Variants in LTBP3 observed in about 807,000 individuals in gnomAD.
LTBP3 encodes the protein latent transforming growth factor beta binding protein 3.
In LTBP3, 97 loss-of-function variants were observed where a neutral mutation model predicts 159.7. The observed-to-expected ratio is 0.61, with a 90% CI of 0.52 to 0.72. The LOEUF is 0.72. Among genes scored for constraint, LTBP3 ranks in the 30% least tolerant of loss-of-function variants. The pLI, the probability that LTBP3 is intolerant of heterozygous loss-of-function variation, is 0.00. For missense variants in LTBP3, 1,584 were observed against 1,864.3 expected, an observed-to-expected ratio of 0.85 and a Z score of 2.77; for synonymous variants, 824 against 777.1, an observed-to-expected ratio of 1.06 and a Z score of -1.00.
At position 65,554,104 on chromosome 11, in the gene LTBP3, G is replaced by A; in HGVS notation, c.608C>T (p.Ala203Val). 6.2e-7 allele frequency: 1 copy of A among 1,609,992 alleles called. No individual in the cohort carries two copies. Among genetic ancestry groups the A allele is most frequent in the Non-Finnish European group, 8.5e-7 (1 of 1,179,556 alleles). ...DPPGPGEGPP[A>V]QHAAFLVPLG... ...GGGCACCAGGAAGGCTGCGTGCTGG[G>A]CAGGAGGCCCCTCCCCGGGCCCAGG... Residue 203 changes from alanine (A) to valine (V), a missense_variant, in exon 2 of 28, where the codon GCC (alanine) becomes GTC (valine). Transcript: ENST00000301873. This position sits in a 1 kb window ranked among gnomAD's most constrained non-coding sequence, Gnocchi z 5.3.
intron 17 of LTBP3, 85 bp downstream of exon 17, chr11:65,543,342 G>A: frequency 6.2e-7 from 1 of 1,612,026 alleles, no homozygotes; most frequent in Non-Finnish European, 8.5e-7. Flanking sequence ...CCCCAACTGA[G>A]ATCTGGATTA....
intron 18 of LTBP3, chr11:65,542,178 G>A (rs550447401): frequency 1.0e-4 from 26 of 259,418 alleles, no homozygotes; most frequent in African/African-American, 5.5e-4. Context: ...CCATGCCTAG[G>A]GAACTCCTAC....
At chr11:65,540,735 A>AGGAGAGGCGGGGCCTACAGGAG in intron 21 of LTBP3, 121 bp from the exon 22 acceptor site, 1 of 1,474,360 alleles carries the variant, frequency 6.8e-7, no homozygotes, top group Non-Finnish European at 9.3e-7. Flanking sequence ...CGGGGCCTAC[A>AGGAGAGGCGGGGCCTACAGGAG]GGGCGGGGCC....
Position 65,539,356 on chromosome 11 carries a change from C to A in LTBP3, c.3732G>T (p.Gln1244His). ...CGCAGCGGGCGCGGGAGGCGTCGAG[C>A]TGGAAGCCGCCGGGACACTCGCACA... ...GAVCECPGGF[Q>H]LDASRARCVD... The change falls in exon 27 of 28, where the codon CAG (glutamine) becomes CAT (histidine). Residue 1244 changes from glutamine to histidine, a missense_variant. Transcript: ENST00000301873. The A allele has an allele frequency of 6.5e-7, 1 of 1,534,528 alleles. No homozygotes were observed. The highest frequency in any genetic ancestry group is 1.2e-5 in the South Asian group (1 of 83,582).
Position 65,538,602 on chromosome 11 carries a change from C to T in LTBP3, c.*478G>A, listed in dbSNP as rs199643862. 4.8e-4 allele frequency: 770 copies of T among 1,596,400 alleles called. 12 individuals are homozygous for T. The East Asian group carries it at 0.017, about 35-fold the overall frequency. On this transcript the variant is annotated 3_prime_UTR_variant, in exon 28 of 28. Transcript: ENST00000301873. ...TGGCCCTTCCCGGCTGCGGAGAGCC[C>T]GCCCCACAGATGTATTTATTGTACA...
chr11:65,544,180 T>TC (rs1342254598), intron 16 of LTBP3: 2 of 162,310 alleles, frequency 1.2e-5, no homozygotes, highest in African/African-American at 4.8e-5. Context: ...TCCGTGACCT[T>TC]CCCCTCACTC....
chr11:65,546,402 G>A lies in LTBP3; in HGVS notation c.2353+40C>T, dbSNP rs1856368803. On this transcript the variant is annotated intron_variant, in intron 16 of 27. Transcript: ENST00000301873. The surrounding 1 kb of genome is among the most constrained non-coding windows in gnomAD (Gnocchi z 4.0). Reference sequence around the variant, plus strand: ...ACCCGCTCCCCGGCTTCAGCGCGTAGGGGGCGGCGGAGGCCCGGGGCGGGG... The same window carrying A: ...ACCCGCTCCCCGGCTTCAGCGCGTAAGGGGCGGCGGAGGCCCGGGGCGGGG... 1 of 1,504,658 alleles carries A rather than the reference G, an allele frequency of 6.6e-7. No individual in the cohort carries two copies. The highest frequency in any genetic ancestry group is 8.8e-7 in the Non-Finnish European group (1 of 1,132,832). 93.2% of individuals were successfully genotyped at this position (1,504,658 alleles called of 1,614,324 possible).
At chr11:65,543,030 G>C in intron 18 of LTBP3, 75 bp downstream of exon 18, 2 of 1,594,508 alleles carry the variant, frequency 1.3e-6, no homozygotes. Flanking sequence ...GATGGATGGA[G>C]AAAGGCCACA....
intron 1 of LTBP3, among the ~76,000 whole-genome samples, chr11:65,555,131 C>T (rs943814323): frequency 2.0e-5 from 3 of 152,092 alleles, no homozygotes; most frequent in Non-Finnish European, 4.4e-5. Flanking sequence ...CATGAACCTG[C>T]CTCCCCTCCT....
In LTBP3 at chr11:65,547,456, C is replaced by T. The variant is rs770146964; in HGVS notation, c.2090G>A (p.Arg697Gln). 15 of 1,613,814 alleles carry T rather than the reference C, an allele frequency of 9.3e-6. No homozygotes were observed. The highest frequency in any genetic ancestry group is 2.7e-5 in the African/African-American group (2 of 74,900). ...CCCCTCACCTTCGCACACAGGAGGC[C>T]GGGAGGCTTTGAGCCGGTAGCCGGG... ...CYPGYRLKAS[R>Q]PPVCEDIDEC... The change falls in exon 14 of 28, where the codon CGG becomes CAG. Residue 697 changes from arginine to glutamine, a missense_variant. Around this residue, in one of 6 missense-constraint regions of LTBP3, gnomAD observed 565 missense variants for 677.7 expected, o/e 0.83. Transcript: ENST00000301873. The surrounding 1 kb of genome is among the most constrained non-coding windows in gnomAD (Gnocchi z 4.6).
Position 65,541,588 on chromosome 11 carries a change from G to A in LTBP3, c.2725+12C>T. ...TTGTCCAGTCCGAGGGAGGAGCTGGGAGGACACTCACCCTCACAACCGTGC... is the reference window on the plus strand; with the variant it reads ...TTGTCCAGTCCGAGGGAGGAGCTGGAAGGACACTCACCCTCACAACCGTGC... On this transcript the variant is annotated intron_variant, in intron 19 of 27. Coordinates refer to ENST00000301873, the MANE Select transcript of LTBP3 (RefSeq NM_001130144.3). The A allele has an allele frequency of 1.2e-6, 2 of 1,614,144 alleles. No individual in the cohort carries two copies. Among genetic ancestry groups the A allele is most frequent in the Non-Finnish European group, 1.7e-6 (2 of 1,180,008 alleles).
At position 65,546,228 on chromosome 11, in the gene LTBP3, C is replaced by T; in HGVS notation, c.2353+214G>A. On this transcript the variant is annotated intron_variant, in intron 16 of 27. Transcript: ENST00000301873. This position sits in a 1 kb window ranked among gnomAD's most constrained non-coding sequence, Gnocchi z 4.0. ...CTTCAAATTTAAGTAACATGCTTTG[C>T]AAACGCAGCTTCGAGCTCTACCCCG... is the stretch of plus-strand genomic sequence containing the variant. The T allele has an allele frequency of 1.7e-6, 1 of 599,778 alleles. No homozygotes were observed. Among genetic ancestry groups the T allele is most frequent in the Non-Finnish European group, 2.8e-6 (1 of 353,352 alleles). The allele number at this position is 599,778 out of a possible 1,614,324, so 37.2% of individuals were successfully genotyped here.
rs779113795 is a variant in LTBP3 at position 65,553,886 on chromosome 11, C to G, written c.679G>C (p.Val227Leu). The change falls in exon 3 of 28, where the codon GTG becomes CTG. Residue 227 changes from valine (V) to leucine (L), a missense_variant. This residue lies in a region of LTBP3 where 194 missense variants were observed against 198.7 expected (regional missense o/e 0.98). Coordinates refer to ENST00000301873, the MANE Select transcript of LTBP3 (RefSeq NM_001130144.3). This position sits in a 1 kb window ranked among gnomAD's most constrained non-coding sequence, Gnocchi z 6.5. ...ISAEVQAPPP[V>L]VNVRVHHPPE... The stretch of plus-strand genomic sequence containing the variant: ...GGGTGATGGACGCGCACATTCACCA[C>G]GGGGGGCGGGGCCTGCACTGGGGGC... 13 of 1,512,332 alleles carry G rather than the reference C, an allele frequency of 8.6e-6. No individual in the cohort carries two copies. In the East Asian group the frequency reaches 2.0e-4, roughly 23 times the overall value. 93.7% of individuals were successfully genotyped at this position (1,512,332 alleles called of 1,614,324 possible).
rs781035535 is a variant in LTBP3, at chr11:65,539,638, G to A, written c.3548-10C>T. ...GTCGGGCAATGGGACCCTGGGAGGA[G>A]CAGAACTGGTCAGCGACGTCCGGGT... On this transcript the variant is annotated splice_polypyrimidine_tract_variant and intron_variant, in intron 25 of 27. Coordinates refer to ENST00000301873, the MANE Select transcript of LTBP3 (RefSeq NM_001130144.3). The A allele has an allele frequency of 3.7e-6, 6 of 1,607,856 alleles. No individual in the cohort carries two copies. The African/African-American group carries it at 6.7e-5, about 18-fold the overall frequency.
Position 65,539,837 on chromosome 11 carries a change from C to G in LTBP3, c.3430G>C (p.Glu1144Gln). 1 of 1,526,152 alleles carries G rather than the reference C, an allele frequency of 6.6e-7. No individual in the cohort carries two copies. The highest frequency in any genetic ancestry group is 8.7e-7 in the Non-Finnish European group (1 of 1,143,448). The allele number at this position is 1,526,152 out of a possible 1,614,324, so 94.5% of individuals were successfully genotyped here. Residue 1144 changes from glutamate to glutamine, a missense_variant, in exon 25 of 28, where the codon GAG becomes CAG. Coordinates refer to ENST00000301873, the MANE Select transcript of LTBP3 (RefSeq NM_001130144.3). ...AGGGGGCCAGCGCACATGCCGTCCT[C>G]TCCGCGCTGGCTCCAGCACACGTCG... ...RRDVCWSQRG[E>Q]DGMCAGPLAG...
chr11:65,538,858 C>G lies in LTBP3; in HGVS notation c.*222G>C, dbSNP rs879333531. 29 of 879,194 alleles carry G rather than the reference C, an allele frequency of 3.3e-5. No homozygotes were observed. Among genetic ancestry groups the G allele is most frequent in the African/African-American group, 7.1e-5 (4 of 56,532 alleles). 54.5% of individuals were successfully genotyped at this position (879,194 alleles called of 1,614,324 possible). On this transcript the variant is annotated 3_prime_UTR_variant, in exon 28 of 28. Coordinates refer to ENST00000301873, the MANE Select transcript of LTBP3 (RefSeq NM_001130144.3). ...TGATTTATCAGTTTCTAGGAAACAC[C>G]CTCTGGGAGGAAGGCAGGCAGCGCC...
At chr11:65,543,745 G>T in intron 16 of LTBP3, 196 bp from the exon 17 acceptor site, 1 of 657,008 alleles carries the variant, frequency 1.5e-6, no homozygotes, top group East Asian at 2.8e-5. Flanking sequence ...CCCTAGGCCA[G>T]GTCTGATGCT....
At position 65,553,427 on chromosome 11, in the gene LTBP3, T is replaced by A; in HGVS notation, c.968A>T (p.Gln323Leu). ...GCCCCCTGAGCCCAAGCACTCACAC[T>A]GCAGCTGGGGACACTTGTGGCACTT... ...QSKCHKCPQL[Q>L]YTGVQKPGPV... is the part of the protein sequence containing the mutation. Residue 323 changes from glutamine to leucine, a missense_variant and splice_region_variant, in exon 4 of 28, where the codon CAG becomes CTG. This residue lies in a region of LTBP3 where 156 missense variants were observed against 259.7 expected (regional missense o/e 0.60). Coordinates refer to ENST00000301873, the MANE Select transcript of LTBP3 (RefSeq NM_001130144.3). This position sits in a 1 kb window ranked among gnomAD's most constrained non-coding sequence, Gnocchi z 6.5. 6.2e-7 allele frequency: 1 copy of A among 1,611,650 alleles called. No individual in the cohort carries two copies. Among genetic ancestry groups the A allele is most frequent in the Non-Finnish European group, 8.5e-7 (1 of 1,179,420 alleles).
chr11:65,547,159 C>A lies in LTBP3; in HGVS notation c.2108-239G>T, dbSNP rs1374161136. On this transcript the variant is annotated intron_variant, in intron 14 of 27. Transcript: ENST00000301873. The surrounding 1 kb of genome is among the most constrained non-coding windows in gnomAD (Gnocchi z 4.6). ...GGTCAGGAGTTCGAGACCAGCCTGGCCAACATGGCGAAACCCCGTCTCTAC... is the reference window on the plus strand; with the variant it reads ...GGTCAGGAGTTCGAGACCAGCCTGGACAACATGGCGAAACCCCGTCTCTAC... Among the ~76,000 whole-genome samples, 4 of 152,154 alleles carry A rather than the reference C, an allele frequency of 2.6e-5. No homozygotes were observed. The highest frequency in any genetic ancestry group is 5.9e-5 in the Non-Finnish European group (4 of 68,026).
Sources: gnomAD v4.1 joint callset for allele counts (sites outside exome capture counted in the v4.1 genomes callset) on GRCh38, gnomAD v4.1.1 for gene constraint, gnomAD v4.1.1 regional missense constraint, Gnocchi (gnomAD v3.1) non-coding constraint, MANE v1.5 for transcripts, NCBI Gene and HGNC (gene_info 2026-07-23, HGNC 2026-07-21) for gene names.